The following ADGB variants were observed in gnomAD, a reference collection of about 807,000 sequenced individuals.
ADGB encodes the protein androglobin.
In ADGB, 172 loss-of-function variants were observed where a neutral mutation model predicts 210.5. That is an observed-to-expected ratio of 0.82 (90% confidence interval 0.72 to 0.93). The LOEUF (loss-of-function observed/expected upper bound fraction) is 0.93. Among genes scored for constraint, ADGB ranks in the 40% least tolerant of loss-of-function variants. ADGB has a pLI of 0.00. For synonymous variants in ADGB, 658 were observed against 662.7 expected, an observed-to-expected ratio of 0.99 and a Z score of 0.11; for missense variants, 2,025 against 1,964.8, an observed-to-expected ratio of 1.03 and a Z score of -0.58.
intron 7 of ADGB, 137 bp from the exon 8 acceptor site, chr6:146,672,083 T>C (rs1229680563): frequency 5.1e-6 from 6 of 1,186,910 alleles, no homozygotes; most frequent in Admixed American, 3.0e-5. Flanking sequence ...AATGCTGTTC[T>C]TTTAACTAAA....
chr6:146,644,938 T>A, intron 3 of ADGB, 73 bp downstream of exon 3: 1 of 921,596 alleles, frequency 1.1e-6, no homozygotes, highest in Non-Finnish European at 1.6e-6. Context: ...AAATTTGCAT[T>A]TTTTGTAATG....
chr6:146,641,219 A>G (rs1197613114), intron 2 of ADGB, among the ~76,000 whole-genome samples: 2 of 151,814 alleles, frequency 1.3e-5, no homozygotes, highest in Non-Finnish European at 2.9e-5. Context: ...GTGAAACATC[A>G]TCTATACAAG....
chr6:146,608,347 G>T (rs9497578), intron 1 of ADGB, among the ~76,000 whole-genome samples: 16,491 of 151,666 alleles, frequency 0.11, 1,078 homozygotes, highest in East Asian at 0.23. Flanking sequence ...TTGATCTCTT[G>T]TATGGTTTTT....
At chr6:146,774,630 A>G (rs1459728119) in intron 29 of ADGB, among the ~76,000 whole-genome samples, 1 of 152,188 alleles carries the variant, frequency 6.6e-6, no homozygotes, top group Admixed American at 6.5e-5. Context: ...TAAGTCTTTA[A>G]TGTCATGTTT....
At chr6:146,799,092 A>C (rs1198980978) in intron 33 of ADGB, among the ~76,000 whole-genome samples, 1 of 151,006 alleles carries the variant, frequency 6.6e-6, no homozygotes, top group Non-Finnish European at 1.5e-5. Flanking sequence ...GAAAAGCCAA[A>C]ATAATTTTGA....
intron 33 of ADGB, among the ~76,000 whole-genome samples, chr6:146,792,657 T>C (rs1402692942): frequency 6.6e-6 from 1 of 152,064 alleles, no homozygotes; most frequent in Non-Finnish European, 1.5e-5. Flanking sequence ...CATCAGAGTC[T>C]TTGGACATTT....
intron 16 of ADGB, among the ~76,000 whole-genome samples, chr6:146,719,545 G>T (rs1776786143): frequency 6.6e-6 from 1 of 152,120 alleles, no homozygotes; most frequent in Non-Finnish European, 1.5e-5. Context: ...GTGGTCTGAG[G>T]CCAGACACTC....
intron 1 of ADGB, among the ~76,000 whole-genome samples, chr6:146,630,167 G>A (rs1240295191): frequency 6.6e-6 from 1 of 152,110 alleles, no homozygotes; most frequent in Non-Finnish European, 1.5e-5. Context: ...AACCCGGGAG[G>A]CGGAGGTTGC....
chr6:146,719,277 A>G (rs1776780750), intron 16 of ADGB, among the ~76,000 whole-genome samples: 1 of 152,244 alleles, frequency 6.6e-6, no homozygotes, highest in South Asian at 2.1e-4. Flanking sequence ...AGCTTTTGGT[A>G]CACATAACCA....
At position 146,708,711 on chromosome 6, in the gene ADGB, G is replaced by A. The variant is rs761134460; in HGVS notation, c.1708-6671G>A. 1.1e-3 allele frequency among the ~76,000 whole-genome samples: 173 copies of A among 152,120 alleles called. 1 individual carries two copies. Among genetic ancestry groups the A allele is most frequent in the Admixed American group, 1.5e-3 (23 of 15,276 alleles). On this transcript the variant is annotated intron_variant, in intron 13 of 35. Coordinates refer to ENST00000397944, the MANE Select transcript of ADGB (RefSeq NM_024694.4). ...TATTATTTGGATTAAATCTGATTTT[G>A]AAGACCTTCTACCTTCCTCTACCTG...
chr6:146,771,557 C>T (rs1191519374), intron 29 of ADGB, among the ~76,000 whole-genome samples: 1 of 152,118 alleles, frequency 6.6e-6, no homozygotes, highest in Non-Finnish European at 1.5e-5. Flanking sequence ...GTGCCCCCGC[C>T]CCTGGCCCCT....
At chr6:146,642,771 T>A (rs1440226445) in intron 2 of ADGB, among the ~76,000 whole-genome samples, 1 of 151,610 alleles carries the variant, frequency 6.6e-6, no homozygotes, top group Non-Finnish European at 1.5e-5. Context: ...TTAGGGAGGC[T>A]GGGAAGAAAG....
chr6:146,758,492 A>T (rs981803496), intron 27 of ADGB, among the ~76,000 whole-genome samples: 1 of 152,040 alleles, frequency 6.6e-6, no homozygotes, highest in Non-Finnish European at 1.5e-5. Context: ...ATTTCATTGA[A>T]AATGTACCAT....
At chr6:146,716,449 C>T (rs1776735328) in intron 14 of ADGB, among the ~76,000 whole-genome samples, 2 of 141,362 alleles carry the variant, frequency 1.4e-5, no homozygotes, top group African/African-American at 3.1e-5. Context: ...AAAAATTAGC[C>T]GGGCGCGGTG....
intron 9 of ADGB, among the ~76,000 whole-genome samples, chr6:146,682,709 T>C (rs1263620668): frequency 6.6e-6 from 1 of 152,124 alleles, no homozygotes. Context: ...AAAATCAAAA[T>C]GCATTATGGG....
At chr6:146,755,210 T>C (rs1199369581) in intron 27 of ADGB, among the ~76,000 whole-genome samples, 1 of 152,134 alleles carries the variant, frequency 6.6e-6, no homozygotes, top group Non-Finnish European at 1.5e-5. Context: ...GTTGATACTG[T>C]TCATCTGTTT....
At chr6:146,711,424 C>G (rs1411569638) in intron 13 of ADGB, among the ~76,000 whole-genome samples, 1 of 151,940 alleles carries the variant, frequency 6.6e-6, no homozygotes, top group African/African-American at 2.4e-5. Flanking sequence ...ACTGAGAGAA[C>G]TTTGCTCCTG....
In ADGB at chr6:146,676,389, T is replaced by C. The variant is rs1346508362; in HGVS notation, c.1164T>C (p.His388=). 1 of 1,548,864 alleles carries C rather than the reference T, an allele frequency of 6.5e-7. No individual in the cohort carries two copies. Among genetic ancestry groups the C allele is most frequent in the East Asian group, 2.5e-5 (1 of 40,780 alleles). Reference sequence around the variant, plus strand: ...AAGAAAAATTCAAATTCTCACTTCATGGTTCAAGACCCTCATCAGAAGTGC... The same window carrying C: ...AAGAAAAATTCAAATTCTCACTTCACGGTTCAAGACCCTCATCAGAAGTGC... ...GEKEKFKFSL[H]GSRPSSEVQY... The change falls in exon 9 of 36, where the codon CAT becomes CAC. Residue 388 remains histidine, a synonymous_variant. Transcript: ENST00000397944.
intron 26 of ADGB, among the ~76,000 whole-genome samples, chr6:146,747,753 G>C (rs1468575519): frequency 2.0e-5 from 3 of 148,798 alleles, no homozygotes; most frequent in Non-Finnish European, 4.4e-5. Flanking sequence ...ATATATATAT[G>C]CATGTGTATA....
Sources: gnomAD v4.1 joint callset for allele counts (sites outside exome capture counted in the v4.1 genomes callset) on GRCh38, gnomAD v4.1.1 for gene constraint, MANE v1.5 for transcripts, NCBI Gene and HGNC (gene_info 2026-07-23, HGNC 2026-07-21) for gene names.